Variants in GSK3B observed in about 807,000 individuals in gnomAD.
GSK3B encodes glycogen synthase kinase-3 beta.
Under a neutral mutation model 56.4 loss-of-function variants are expected in GSK3B, and 15 were observed. The ratio of observed to expected loss-of-function variants is 0.27; its 90% CI spans 0.18 to 0.41. GSK3B has a LOEUF of 0.41. GSK3B is among the 10% of genes least tolerant of loss of function. The pLI, the probability that GSK3B is intolerant of heterozygous loss-of-function variation, is 1.00. For missense variants in GSK3B, 300 were observed against 513.4 expected (o/e 0.58, Z 4.02); for synonymous variants, 181 against 188.9 (o/e 0.96, Z 0.34).
chr3:119,928,320 G>A (rs1161207153), intron 3 of GSK3B, among the ~76,000 whole-genome samples: 1 of 152,030 alleles, frequency 6.6e-6, no homozygotes, highest in Non-Finnish European at 1.5e-5. Flanking sequence ...AAAAAAGGAG[G>A]AAAGGCCGGG....
rs144189446 is a variant in GSK3B, at chr3:119,825,456, G to T, written c.*1332C>A. 45 of 228,088 alleles carry T rather than the reference G, an allele frequency of 2.0e-4. No homozygotes were observed. Among genetic ancestry groups the T allele is most frequent in the Admixed American group, 7.9e-4 (14 of 17,622 alleles). The allele number at this position is 228,088 out of a possible 1,614,324, so 14.1% of individuals were successfully genotyped here. ...AAACATTCTTCTCATGCTTCAACCA[G>T]TCAATTTTGATACTGTAGACAAAAA... On this transcript the variant is annotated 3_prime_UTR_variant, in exon 11 of 11. Coordinates refer to ENST00000264235, the MANE Select transcript of GSK3B (RefSeq NM_001146156.2).
At chr3:119,891,604 G>A (rs983261288) in intron 7 of GSK3B, among the ~76,000 whole-genome samples, 2 of 152,006 alleles carry the variant, frequency 1.3e-5, no homozygotes, top group African/African-American at 4.8e-5. Context: ...TTAAGAGATG[G>A]AAATTTTTTT....
chr3:119,918,466 T>C (rs2056804031), intron 4 of GSK3B, among the ~76,000 whole-genome samples: 1 of 150,560 alleles, frequency 6.6e-6, no homozygotes, highest in Non-Finnish European at 1.5e-5. Flanking sequence ...CGGAATTCTC[T>C]CTCTCTCAAA....
chr3:119,999,837 TAA>T (rs1484351196), intron 2 of GSK3B, among the ~76,000 whole-genome samples: 1 of 152,142 alleles, frequency 6.6e-6, no homozygotes, highest in Non-Finnish European at 1.5e-5. Flanking sequence ...GAGAGTAACA[TAA>T]AAAGTTTGGA....
rs1006900667 is a variant in GSK3B at position 119,823,793 on chromosome 3, T to C, written c.*2995A>G. On this transcript the variant is annotated 3_prime_UTR_variant, in exon 11 of 11. Transcript: ENST00000264235. ...CCTCTTCCCACTCCTGAGTATGGTA[T>C]CACTGAAACTTAACTGTGGAAGGGG... 5.0e-6 allele frequency: 1 copy of C among 198,970 alleles called. No individual in the cohort carries two copies. The highest frequency in any genetic ancestry group is 2.3e-5 in the African/African-American group (1 of 43,450). 12.3% of individuals were successfully genotyped at this position (198,970 alleles called of 1,614,324 possible). A position where few individuals can be genotyped will look rare whatever the true frequency, so the allele number is the denominator to read the frequency against.
chr3:120,090,790 C>A (rs769757469), intron 1 of GSK3B, among the ~76,000 whole-genome samples: 1 of 152,300 alleles, frequency 6.6e-6, no homozygotes, highest in South Asian at 2.1e-4. Context: ...AAATCCAGAT[C>A]TCTTCTGAAT....
chr3:119,835,414 C>T (rs953616859), intron 10 of GSK3B, among the ~76,000 whole-genome samples: 1 of 152,124 alleles, frequency 6.6e-6, no homozygotes, highest in Non-Finnish European at 1.5e-5. Context: ...ACCCCATCTT[C>T]GACACAAACC....
intron 8 of GSK3B, among the ~76,000 whole-genome samples, chr3:119,868,451 T>C (rs913976068): frequency 2.6e-5 from 4 of 152,226 alleles, no homozygotes; most frequent in African/African-American, 7.2e-5. Context: ...TGTCCTAGAA[T>C]AGACTTTGTC....
At chr3:119,829,802 T>C (rs1463621701) in intron 10 of GSK3B, among the ~76,000 whole-genome samples, 2 of 152,230 alleles carry the variant, frequency 1.3e-5, no homozygotes, top group Non-Finnish European at 2.9e-5. Context: ...TAAAATTTGA[T>C]AGACACCCAT....
intron 2 of GSK3B, among the ~76,000 whole-genome samples, chr3:119,961,471 T>A (rs1224966635): frequency 2.0e-5 from 3 of 151,610 alleles, no homozygotes; most frequent in Non-Finnish European, 2.9e-5. Flanking sequence ...CTACTAAAAA[T>A]ACAAAAATTA....
intron 8 of GSK3B, among the ~76,000 whole-genome samples, chr3:119,869,230 A>AAAAAAC (rs2056221675): frequency 6.7e-6 from 1 of 149,550 alleles, no homozygotes; most frequent in African/African-American, 2.5e-5. Flanking sequence ...TCTCAAAAAA[A>AAAAAAC]AAAAAAAAAA....
chr3:120,082,816 T>G (rs1241052905), intron 1 of GSK3B, among the ~76,000 whole-genome samples: 1 of 152,226 alleles, frequency 6.6e-6, no homozygotes, highest in Non-Finnish European at 1.5e-5. Flanking sequence ...ATATTATTAG[T>G]TTAGATACAC....
intron 2 of GSK3B, among the ~76,000 whole-genome samples, chr3:119,962,358 A>G (rs945681276): frequency 9.4e-5 from 14 of 148,652 alleles, no homozygotes; most frequent in Non-Finnish European, 1.6e-4. Context: ...CTGGGCAACA[A>G]GAGTGAAACT....
At chr3:119,857,316 T>C (rs969445369) in intron 9 of GSK3B, among the ~76,000 whole-genome samples, 3 of 152,210 alleles carry the variant, frequency 2.0e-5, no homozygotes, top group African/African-American at 7.2e-5. Flanking sequence ...CATTTTACCC[T>C]GGTAGAATTT....
At chr3:119,952,307 G>A (rs962460994) in intron 2 of GSK3B, among the ~76,000 whole-genome samples, 4 of 151,900 alleles carry the variant, frequency 2.6e-5, no homozygotes, top group African/African-American at 9.7e-5. Flanking sequence ...GGCCAACATG[G>A]TGAAACCCCA....
intron 8 of GSK3B, among the ~76,000 whole-genome samples, chr3:119,873,020 A>G (rs2056267562): frequency 1.3e-5 from 2 of 152,216 alleles, no homozygotes; most frequent in East Asian, 3.9e-4. Flanking sequence ...TGCAGTGTAC[A>G]GCGTACACCA....
At chr3:120,065,921 A>G (rs147450970) in intron 1 of GSK3B, among the ~76,000 whole-genome samples, 1 of 152,174 alleles carries the variant, frequency 6.6e-6, no homozygotes, top group Non-Finnish European at 1.5e-5. Context: ...CAGAGTTGGA[A>G]AGCAAATTAA....
intron 9 of GSK3B, among the ~76,000 whole-genome samples, chr3:119,862,057 A>C (rs1008723920): frequency 6.6e-6 from 1 of 152,046 alleles, no homozygotes; most frequent in Admixed American, 6.5e-5. Flanking sequence ...CTGGGCAAAC[A>C]TAAGATTTTA....
At chr3:120,044,670 A>C (rs932019197) in intron 1 of GSK3B, among the ~76,000 whole-genome samples, 37 of 152,322 alleles carry the variant, frequency 2.4e-4, no homozygotes, top group African/African-American at 8.9e-4. Flanking sequence ...TGTAGATTGG[A>C]TAGATTACAT....
Sources: allele counts gnomAD v4.1 joint callset (sites outside exome capture counted in the v4.1 genomes callset), GRCh38; gene constraint gnomAD v4.1.1; transcripts MANE v1.5; gene names NCBI Gene and HGNC (gene_info 2026-07-23, HGNC 2026-07-21).